Variants in KCNB2 observed in about 807,000 individuals in gnomAD.
KCNB2 encodes delayed rectifier potassium channel protein.
KCNB2 carries 15 observed loss-of-function variants against 61.5 expected under a neutral mutation model. That is an observed-to-expected ratio of 0.24 (90% CI 0.16 to 0.38). The LOEUF is 0.38. KCNB2 is among the 10% of genes least tolerant of loss of function. The probability of loss-of-function intolerance (pLI) is 1.00; values close to 1 mark genes in which losing one functional copy is unlikely to be tolerated. For missense variants in KCNB2, 828 were observed against 1,125.2 expected, an observed-to-expected ratio of 0.74 and a Z score of 3.78; for synonymous variants, 457 against 446.0, an observed-to-expected ratio of 1.02 and a Z score of -0.31.
At chr8:72,708,992 T>C (rs1049255544) in intron 2 of KCNB2, among the ~76,000 whole-genome samples, 1 of 152,200 alleles carries the variant, frequency 6.6e-6, no homozygotes, top group Admixed American at 6.5e-5. Context: ...AACTTGGCTA[T>C]ATATCCTGCC....
chr8:72,883,050 G>T (rs992546608), intron 2 of KCNB2, among the ~76,000 whole-genome samples: 121 of 152,180 alleles, frequency 8.0e-4, no homozygotes, highest in Admixed American at 3.7e-3. Flanking sequence ...TTACCCTCCT[G>T]GTCCCAGAAG....
intron 2 of KCNB2, among the ~76,000 whole-genome samples, chr8:72,645,329 G>T (rs1393406401): frequency 6.6e-6 from 1 of 152,152 alleles, no homozygotes; most frequent in Non-Finnish European, 1.5e-5. Flanking sequence ...TATATTCTGT[G>T]GTTGGAATCC....
intron 2 of KCNB2, among the ~76,000 whole-genome samples, chr8:72,690,474 T>C (rs1054090200): frequency 6.6e-6 from 1 of 152,200 alleles, no homozygotes; most frequent in Admixed American, 6.5e-5. Context: ...TCTCAAGAAG[T>C]CTTCCTGCCT....
intron 2 of KCNB2, among the ~76,000 whole-genome samples, chr8:72,868,591 CA>C (rs969110097): frequency 7.3e-5 from 11 of 150,890 alleles, no homozygotes; most frequent in Non-Finnish European, 1.5e-4. Context: ...ACAAAACAAA[CA>C]AAAAAAACCC....
intron 2 of KCNB2, among the ~76,000 whole-genome samples, chr8:72,617,613 T>A (rs199769065): frequency 2.9e-5 from 4 of 136,750 alleles, no homozygotes; most frequent in Admixed American, 7.5e-5. Flanking sequence ...AAAAAAAAAA[T>A]GACAGTAGAC....
At chr8:72,925,916 T>C (rs1727198006) in intron 2 of KCNB2, among the ~76,000 whole-genome samples, 1 of 152,056 alleles carries the variant, frequency 6.6e-6, no homozygotes, top group Non-Finnish European at 1.5e-5. Flanking sequence ...TATGCAGCCA[T>C]AAAAAGGAAC....
chr8:72,538,907 T>C (rs1395101815), intron 1 of KCNB2, among the ~76,000 whole-genome samples: 2 of 152,212 alleles, frequency 1.3e-5, no homozygotes, highest in East Asian at 1.9e-4. Flanking sequence ...GCAATCAATA[T>C]ATTACATTTC....
intron 2 of KCNB2, among the ~76,000 whole-genome samples, chr8:72,663,288 G>C (rs1806410511): frequency 6.6e-6 from 1 of 152,178 alleles, no homozygotes; most frequent in Admixed American, 6.5e-5. Context: ...AGTATTCCAA[G>C]TAACAAGTAG....
intron 2 of KCNB2, among the ~76,000 whole-genome samples, chr8:72,856,147 T>C (rs1810204055): frequency 6.6e-6 from 1 of 152,180 alleles, no homozygotes; most frequent in South Asian, 2.1e-4. Flanking sequence ...ATTTTAAATT[T>C]ACTAGTAGCC....
chr8:72,715,623 G>A (rs1264062011), intron 2 of KCNB2, among the ~76,000 whole-genome samples: 5 of 152,090 alleles, frequency 3.3e-5, no homozygotes, highest in Admixed American at 6.6e-5. Context: ...CGAGAACAAA[G>A]ACACAACATA....
intron 2 of KCNB2, among the ~76,000 whole-genome samples, chr8:72,681,096 G>T (rs929772850): frequency 5.3e-5 from 8 of 152,154 alleles, no homozygotes; most frequent in African/African-American, 1.9e-4. Context: ...TGAAAAATAA[G>T]TCAAAGACGA....
At chr8:72,908,345 T>G (rs1027782711) in intron 2 of KCNB2, among the ~76,000 whole-genome samples, 1 of 152,198 alleles carries the variant, frequency 6.6e-6, no homozygotes, top group Non-Finnish European at 1.5e-5. Context: ...TGATTTCAGT[T>G]GTAAATCAAC....
At chr8:72,715,329 A>G (rs915539222) in intron 2 of KCNB2, among the ~76,000 whole-genome samples, 5 of 152,206 alleles carry the variant, frequency 3.3e-5, no homozygotes, top group Non-Finnish European at 1.5e-5. Flanking sequence ...CATTTACAGA[A>G]CTGTCCACCC....
intron 2 of KCNB2, among the ~76,000 whole-genome samples, chr8:72,644,054 A>G (rs80303956): frequency 0.16 from 23,722 of 152,104 alleles, 2,373 homozygotes; most frequent in Middle Eastern, 0.25. Context: ...TATTCAGTGA[A>G]TAAGTAATGA....
intron 2 of KCNB2, among the ~76,000 whole-genome samples, chr8:72,630,447 A>C (rs1447661538): frequency 6.6e-6 from 1 of 152,134 alleles, no homozygotes; most frequent in Non-Finnish European, 1.5e-5. Context: ...TACAATTTAT[A>C]TTTTATTTTC....
chr8:72,865,219 A>G (rs1364937748), intron 2 of KCNB2, among the ~76,000 whole-genome samples: 1 of 151,458 alleles, frequency 6.6e-6, no homozygotes, highest in Non-Finnish European at 1.5e-5. Context: ...GTCCCTTGCC[A>G]CTCCTGTTTT....
intron 2 of KCNB2, among the ~76,000 whole-genome samples, chr8:72,614,203 T>C (rs1167004332): frequency 6.6e-6 from 1 of 152,164 alleles, no homozygotes; most frequent in African/African-American, 2.4e-5. Flanking sequence ...GTAAAAATAG[T>C]TTTATTAGAT....
In KCNB2 at chr8:72,725,547, A is replaced by G. The variant is rs866945939; in HGVS notation, c.579+157234A>G. On this transcript the variant is annotated intron_variant, in intron 2 of 2. Coordinates refer to ENST00000523207, the MANE Select transcript of KCNB2 (RefSeq NM_004770.3). Reference sequence around the variant, plus strand: ...TATATATATATATATATATGTGTGTATATATATATGTATATATGTATATAT... The same window carrying G: ...TATATATATATATATATATGTGTGTGTATATATATGTATATATGTATATAT... Among the ~76,000 whole-genome samples the G allele has an allele frequency of 4.1e-3, 430 of 106,134 alleles. 4 individuals are homozygous for G. Among genetic ancestry groups the G allele is most frequent in the Non-Finnish European group, 6.4e-3 (345 of 54,026 alleles). The allele number at this position is 106,134 out of a possible 152,430, so 69.6% of individuals were successfully genotyped here. A position where few individuals can be genotyped will look rare whatever the true frequency, so the allele number is the denominator to read the frequency against.
rs1163043545 is a variant in KCNB2, at chr8:72,702,506, G to A, written c.579+134193G>A. 2.0e-5 allele frequency among the ~76,000 whole-genome samples: 3 copies of A among 152,262 alleles called. No homozygotes were observed. The East Asian group carries it at 5.8e-4, about 29-fold the overall frequency. On this transcript the variant is annotated intron_variant, in intron 2 of 2. Transcript: ENST00000523207. ...CCCCAGAGTCTGGAAAATAGGACAT[G>A]AAGTCAATTACTTTGCTAGTGGCCA...
Sources: allele counts gnomAD v4.1 joint callset (sites outside exome capture counted in the v4.1 genomes callset), GRCh38; gene constraint gnomAD v4.1.1; transcripts MANE v1.5; gene names NCBI Gene and HGNC (gene_info 2026-07-23, HGNC 2026-07-21).